Variants in DCAF17 observed in about 807,000 individuals in gnomAD.
DCAF17 encodes DDB1 and CUL4 associated factor 17.
Under a neutral mutation model 66.0 loss-of-function variants are expected in DCAF17, and 48 were observed. That is an observed-to-expected ratio of 0.73 (90% CI 0.58 to 0.92). DCAF17 has a LOEUF of 0.92. Ranked by LOEUF, DCAF17 falls within the 40% of genes least tolerant of loss-of-function variation. The probability of loss-of-function intolerance (pLI) is 0.00; values close to 1 mark genes in which losing one functional copy is unlikely to be tolerated. For missense variants in DCAF17, 562 were observed against 622.8 expected (o/e 0.90, Z 1.04); for synonymous variants, 206 against 214.6 (o/e 0.96, Z 0.35).
intron 8 of DCAF17, among the ~76,000 whole-genome samples, chr2:171,467,434 A>G (rs757635706): frequency 1.3e-5 from 2 of 152,226 alleles, no homozygotes; most frequent in Middle Eastern, 3.4e-3. Context: ...CTCACCTGTA[A>G]TCCAAGCACT....
At chr2:171,473,189 A>G (rs907115168) in intron 9 of DCAF17, among the ~76,000 whole-genome samples, 2 of 152,160 alleles carry the variant, frequency 1.3e-5, no homozygotes, top group Non-Finnish European at 2.9e-5. Context: ...TGATTGAAAG[A>G]TAGTTGGGGA....
chr2:171,464,817 C>T (rs1394716406), intron 8 of DCAF17, among the ~76,000 whole-genome samples: 2 of 152,102 alleles, frequency 1.3e-5, no homozygotes, highest in Non-Finnish European at 2.9e-5. Context: ...TTAACTCATA[C>T]TGAGCTTCTT....
At chr2:171,454,931 CT>C (rs1695164815) in intron 6 of DCAF17, among the ~76,000 whole-genome samples, 1 of 150,094 alleles carries the variant, frequency 6.7e-6, no homozygotes, top group Admixed American at 6.6e-5. Context: ...TCTTCTTTTA[CT>C]TTTTCTTTCT....
intron 6 of DCAF17, among the ~76,000 whole-genome samples, chr2:171,457,013 A>G (rs1695296984): frequency 6.6e-6 from 1 of 152,092 alleles, no homozygotes; most frequent in Admixed American, 6.5e-5. Context: ...TTTCCAACAC[A>G]CTGTTGAATA....
chr2:171,467,395 G>A lies in DCAF17; in HGVS notation c.839-1493G>A, dbSNP rs547425322. On this transcript the variant is annotated intron_variant, in intron 8 of 13. Transcript: ENST00000375255. ...AGGCTATTAGTAGTTAAGTTTTGGGGAAGTCAAAAGTTTGGCTGGGCACAG... is the reference window on the plus strand; with the variant it reads ...AGGCTATTAGTAGTTAAGTTTTGGGAAAGTCAAAAGTTTGGCTGGGCACAG... 5.7e-4 allele frequency among the ~76,000 whole-genome samples: 86 copies of A among 152,118 alleles called. 1 individual carries two copies. Among genetic ancestry groups the A allele is most frequent in the African/African-American group, 2.0e-3 (85 of 41,528 alleles).
At position 171,484,441 on chromosome 2, in the gene DCAF17, A is replaced by G. The variant is rs758777886; in HGVS notation, c.*3327A>G. ...TAAATACTGACCACGGGGATTCTAC[A>G]TCTTACTCTACTTGTTTTATTATTT... On this transcript the variant is annotated 3_prime_UTR_variant, in exon 14 of 14. Coordinates refer to ENST00000375255, the MANE Select transcript of DCAF17 (RefSeq NM_025000.4). 2.8e-5 allele frequency: 12 copies of G among 422,230 alleles called. 1 individual carries two copies. The highest frequency in any genetic ancestry group is 2.1e-4 in the South Asian group (12 of 57,570). The allele number at this position is 422,230 out of a possible 1,614,324, so 26.2% of individuals were successfully genotyped here. A position where few individuals can be genotyped will look rare whatever the true frequency, so the allele number is the denominator to read the frequency against.
intron 6 of DCAF17, among the ~76,000 whole-genome samples, chr2:171,455,431 T>C (rs1695203156): frequency 6.6e-6 from 1 of 152,248 alleles, no homozygotes; most frequent in East Asian, 1.9e-4. Flanking sequence ...GTTGGTTCCA[T>C]GTCTTTGCTC....
intron 8 of DCAF17, among the ~76,000 whole-genome samples, chr2:171,467,505 G>T (rs1395047944): frequency 6.6e-6 from 1 of 151,866 alleles, no homozygotes; most frequent in African/African-American, 2.4e-5. Flanking sequence ...CCTGGCCAAC[G>T]TAGTGAAACC....
intron 12 of DCAF17, 29 bp from the exon 13 acceptor site, chr2:171,480,009 T>A (rs1366565099): frequency 2.5e-6 from 4 of 1,611,512 alleles, no homozygotes; most frequent in African/African-American, 1.3e-5. Flanking sequence ...TTTGCCCCTT[T>A]CCCTCTATTT....
intron 2 of DCAF17, among the ~76,000 whole-genome samples, chr2:171,437,016 C>T (rs541816086): frequency 2.6e-5 from 4 of 152,062 alleles, no homozygotes; most frequent in African/African-American, 7.2e-5. Flanking sequence ...TCAGGTGATC[C>T]GGCCACCTCG....
chr2:171,470,562 T>G (rs755652507), intron 9 of DCAF17, among the ~76,000 whole-genome samples: 15 of 152,202 alleles, frequency 9.9e-5, no homozygotes, highest in South Asian at 2.1e-4. Context: ...TGCTCCTATT[T>G]GGCCCAGCCC....
intron 3 of DCAF17, among the ~76,000 whole-genome samples, chr2:171,448,425 ATAAT>A (rs1030335849): frequency 2.0e-4 from 29 of 145,086 alleles, no homozygotes; most frequent in South Asian, 6.9e-4. Context: ...ACTTAATAAA[ATAAT>A]TAATTCATAA....
In DCAF17 at chr2:171,484,792, A is replaced by G. The variant is rs1442457469; in HGVS notation, c.*3678A>G. ...ATAACTACTGTTCTCATTCTTTTAT[A>G]TCAAAGGTTAAATTTACCTGTTCTA... On this transcript the variant is annotated 3_prime_UTR_variant, in exon 14 of 14. Transcript: ENST00000375255. The G allele has an allele frequency of 2.2e-6, 1 of 453,856 alleles. No homozygotes were observed. Among genetic ancestry groups the G allele is most frequent in the Non-Finnish European group, 4.4e-6 (1 of 226,756 alleles). The allele number at this position is 453,856 out of a possible 1,614,324, so 28.1% of individuals were successfully genotyped here.
chr2:171,444,377 T>C (rs1191773190), intron 3 of DCAF17, among the ~76,000 whole-genome samples: 1 of 152,206 alleles, frequency 6.6e-6, no homozygotes, highest in Non-Finnish European at 1.5e-5. Flanking sequence ...TTCAAAACTT[T>C]TTGAATGCCG....
chr2:171,442,902 C>T (rs939836804), intron 2 of DCAF17, among the ~76,000 whole-genome samples: 15 of 151,836 alleles, frequency 9.9e-5, no homozygotes, highest in Non-Finnish European at 5.9e-5. Flanking sequence ...TAAAATTAAA[C>T]ATTTATGATC....
chr2:171,471,940 A>G (rs1558936), intron 9 of DCAF17, among the ~76,000 whole-genome samples: 30,401 of 150,782 alleles, frequency 0.2, 3,150 homozygotes, highest in South Asian at 0.28. Context: ...GATTGAGGCC[A>G]AGAGGTCAAG....
intron 8 of DCAF17, among the ~76,000 whole-genome samples, chr2:171,467,331 T>C (rs1695962714): frequency 6.6e-6 from 1 of 151,886 alleles, no homozygotes; most frequent in South Asian, 2.1e-4. Context: ...ATGTGTTAAT[T>C]GACTATTTAT....
rs2105710717 is a variant in DCAF17, at chr2:171,435,259, A to G, written c.230+73A>G. ...TTAACTATAATTTGTATAGAACCAC[A>G]TGCCTACATTAGTGCCTAGTGAAAT... On this transcript the variant is annotated intron_variant, in intron 2 of 13. Coordinates refer to ENST00000375255, the MANE Select transcript of DCAF17 (RefSeq NM_025000.4). 1.7e-5 allele frequency: 19 copies of G among 1,141,576 alleles called. No individual in the cohort carries two copies. The South Asian group carries it at 2.0e-4, about 12-fold the overall frequency. 70.7% of individuals were successfully genotyped at this position (1,141,576 alleles called of 1,614,324 possible). A position where few individuals can be genotyped will look rare whatever the true frequency, so the allele number is the denominator to read the frequency against.
intron 2 of DCAF17, among the ~76,000 whole-genome samples, chr2:171,440,093 AGC>A (rs1454576144): frequency 6.6e-6 from 1 of 152,174 alleles, no homozygotes; most frequent in Non-Finnish European, 1.5e-5. Flanking sequence ...TCCTGAGTAT[AGC>A]TGGAACTACA....
Sources: allele counts gnomAD v4.1 joint callset (sites outside exome capture counted in the v4.1 genomes callset), GRCh38; gene constraint gnomAD v4.1.1; transcripts MANE v1.5; gene names NCBI Gene and HGNC (gene_info 2026-07-23, HGNC 2026-07-21).